The following STAM2 variants were observed in gnomAD, a reference collection of about 807,000 sequenced individuals.
The protein encoded by STAM2 is signal transducing adapter molecule 2.
A neutral mutation model predicts 65.6 loss-of-function variants in STAM2; 51 were observed. That is an observed-to-expected ratio of 0.78 (90% CI 0.62 to 0.98). The LOEUF (loss-of-function observed/expected upper bound fraction) is 0.98. STAM2 is among the 50% of genes least tolerant of loss of function. The probability of loss-of-function intolerance (pLI) is 0.00; values close to 1 mark genes in which losing one functional copy is unlikely to be tolerated. For missense variants in STAM2, 584 were observed against 617.8 expected (o/e 0.95, Z 0.58); for synonymous variants, 198 against 208.4 (o/e 0.95, Z 0.43).
Position 152,144,687 on chromosome 2 carries a change from C to T in STAM2, c.517+201G>A, listed in dbSNP as rs557736865. On this transcript the variant is annotated intron_variant, in intron 6 of 13. Coordinates refer to ENST00000263904, the MANE Select transcript of STAM2 (RefSeq NM_005843.6). ...CCGAGTAGTTGGGACTACAGGCGCC[C>T]GCCACCACGCCCAGCTAATTTTTGT... The T allele has an allele frequency of 1.1e-4, 45 of 426,470 alleles. No individual in the cohort carries two copies. In the South Asian group the frequency reaches 1.1e-3, roughly 11 times the overall value. The allele number at this position is 426,470 out of a possible 1,614,324, so 26.4% of individuals were successfully genotyped here.
At chr2:152,140,205 T>C (rs1222191946) in intron 7 of STAM2, among the ~76,000 whole-genome samples, 3 of 152,130 alleles carry the variant, frequency 2.0e-5, no homozygotes, top group South Asian at 2.1e-4. Context: ...TCAGAGGATA[T>C]AAAATCTGAC....
In STAM2 at chr2:152,129,934, G is replaced by A. The variant is rs546769226; in HGVS notation, c.1025+2180C>T. On this transcript the variant is annotated intron_variant, in intron 11 of 13. Coordinates refer to ENST00000263904, the MANE Select transcript of STAM2 (RefSeq NM_005843.6). The stretch of plus-strand genomic sequence containing the variant: ...TTAAAATGTCCCCTGGAACAAAGAC[G>A]ACAATCTCTGGTGACTAGGAAAAGT... Among the ~76,000 whole-genome samples, 91 of 152,280 alleles carry A rather than the reference G, an allele frequency of 6.0e-4. 1 individual carries two copies. In the South Asian group the frequency reaches 6.2e-3, roughly 10 times the overall value.
Position 152,175,690 on chromosome 2 carries a change from C to T in STAM2, c.-48G>A. On this transcript the variant is annotated 5_prime_UTR_variant, in exon 1 of 14. Coordinates refer to ENST00000263904, the MANE Select transcript of STAM2 (RefSeq NM_005843.6). ...TCGCTGCTGTCTAGCTGACACTCAG[C>T]AACTGCTACCCGCCGGGTGACCCGC... The T allele has an allele frequency of 6.3e-7, 1 of 1,584,152 alleles. No homozygotes were observed. The highest frequency in any genetic ancestry group is 8.6e-7 in the Non-Finnish European group (1 of 1,165,724).
rs1579317382 is a variant in STAM2 at position 152,136,965 on chromosome 2, G to A, written c.705-1362C>T. On this transcript the variant is annotated intron_variant, in intron 7 of 13. Transcript: ENST00000263904. ...GCTGGAGTGCAGTGGCACGATCTTG[G>A]CTCACTGCAACCTCTCCCTCCCAGA... Among the ~76,000 whole-genome samples the A allele has an allele frequency of 2.7e-5, 4 of 150,110 alleles. No homozygotes were observed. The South Asian group carries it at 8.5e-4, about 32-fold the overall frequency.
At chr2:152,140,416 A>G (rs1401134135) in intron 7 of STAM2, among the ~76,000 whole-genome samples, 1 of 152,246 alleles carries the variant, frequency 6.6e-6, no homozygotes, top group Non-Finnish European at 1.5e-5. Flanking sequence ...TAAAAACTTG[A>G]GCCTTTCCTT....
chr2:152,161,715 C>T (rs1438912669), intron 1 of STAM2, among the ~76,000 whole-genome samples: 8 of 152,110 alleles, frequency 5.3e-5, no homozygotes, highest in Non-Finnish European at 1.2e-4. Flanking sequence ...CTTAATTTTC[C>T]ACCCCATTTA....
intron 1 of STAM2, among the ~76,000 whole-genome samples, chr2:152,155,028 A>G (rs548831052): frequency 1.3e-5 from 2 of 152,342 alleles, no homozygotes; most frequent in East Asian, 3.9e-4. Flanking sequence ...TCCTTTCTAA[A>G]GATGTTTCAT....
At chr2:152,129,854 C>T (rs904389195) in intron 11 of STAM2, among the ~76,000 whole-genome samples, 1 of 152,180 alleles carries the variant, frequency 6.6e-6, no homozygotes, top group South Asian at 2.1e-4. Flanking sequence ...GGCAAAACTA[C>T]TGTTAATTGC....
In STAM2 at chr2:152,175,755, C is replaced by T; in HGVS notation, c.-113G>A. ...AGACCGCTCCGCTTCGGCCTCCGTCCCTGCACTTCCGCCACCGCACCTGCC... is the reference window on the plus strand; with the variant it reads ...AGACCGCTCCGCTTCGGCCTCCGTCTCTGCACTTCCGCCACCGCACCTGCC... On this transcript the variant is annotated 5_prime_UTR_variant, in exon 1 of 14. Transcript: ENST00000263904. The T allele has an allele frequency of 3.4e-6, 4 of 1,159,818 alleles. No individual in the cohort carries two copies. Among genetic ancestry groups the T allele is most frequent in the South Asian group, 1.3e-5 (1 of 75,256 alleles). The allele number at this position is 1,159,818 out of a possible 1,614,324, so 71.8% of individuals were successfully genotyped here.
At chr2:152,123,196 C>T (rs947717273) in intron 13 of STAM2, among the ~76,000 whole-genome samples, 1 of 151,988 alleles carries the variant, frequency 6.6e-6, no homozygotes, top group Non-Finnish European at 1.5e-5. Context: ...ATGCTGAAAC[C>T]CCGTCTCTAC....
At position 152,151,144 on chromosome 2, in the gene STAM2, A is replaced by C. The variant is rs150161569; in HGVS notation, c.41-915T>G. 3.0e-4 allele frequency among the ~76,000 whole-genome samples: 46 copies of C among 152,212 alleles called. No individual in the cohort carries two copies. The East Asian group carries it at 4.8e-3, about 16-fold the overall frequency. On this transcript the variant is annotated intron_variant, in intron 1 of 13. Coordinates refer to ENST00000263904, the MANE Select transcript of STAM2 (RefSeq NM_005843.6). ...CTTATAACGCTGAGTCAAAAAAGCT[A>C]ACAGCAGAAGAATTTATAATATTTA...
At chr2:152,147,856 G>A (rs544108870) in intron 4 of STAM2, among the ~76,000 whole-genome samples, 168 bp downstream of exon 4, 169 of 152,244 alleles carry the variant, frequency 1.1e-3, no homozygotes, top group Middle Eastern at 3.4e-3. Flanking sequence ...GGGGAGAATA[G>A]TTTTTGGTGC....
At chr2:152,153,979 G>A (rs1689496054) in intron 1 of STAM2, among the ~76,000 whole-genome samples, 1 of 151,608 alleles carries the variant, frequency 6.6e-6, no homozygotes. Context: ...TATAAAGGCA[G>A]CACCCAAAAA....
At chr2:152,134,197 T>A (rs917267763) in intron 8 of STAM2, among the ~76,000 whole-genome samples, 1 of 152,146 alleles carries the variant, frequency 6.6e-6, no homozygotes, top group Non-Finnish European at 1.5e-5. Flanking sequence ...CAATTTTAAA[T>A]CCCAACTGTT....
intron 1 of STAM2, among the ~76,000 whole-genome samples, chr2:152,171,496 G>A (rs187402632): frequency 5.0e-4 from 76 of 152,272 alleles, no homozygotes; most frequent in Non-Finnish European, 9.4e-4. Flanking sequence ...TTGTGTGTAT[G>A]TTATGAATTT....
In STAM2 at chr2:152,126,278, T is replaced by G; in HGVS notation, c.1127A>C (p.Lys376Thr). 6.2e-7 allele frequency: 1 copy of G among 1,611,798 alleles called. No individual in the cohort carries two copies. Among genetic ancestry groups the G allele is most frequent in the Non-Finnish European group, 8.5e-7 (1 of 1,178,880 alleles). ...TGGGTAATGTGCTGGAGGGTGGAGC[T>G]TTGAATAGACTGAGTACACTGGTGC... The part of the protein sequence containing the change: ...NEAPVYSVYS[K>T]LHPPAHYPPA... Residue 376 changes from lysine (K) to threonine (T), a missense_variant, in exon 12 of 14, where the codon AAG (lysine) becomes ACG (threonine). By Grantham distance (78) the Lys-to-Thr change is moderately conservative. Transcript: ENST00000263904.
rs1415884392 is a variant in STAM2, at chr2:152,150,133, T to C, written c.125+12A>G. The C allele has an allele frequency of 6.3e-7, 1 of 1,575,778 alleles. No individual in the cohort carries two copies. Among genetic ancestry groups the C allele is most frequent in the Non-Finnish European group, 8.7e-7 (1 of 1,145,992 alleles). The stretch of plus-strand genomic sequence containing the variant: ...TTCCTAGACATTCACTGAGCATGAC[T>C]GGACATCTTACCCATTAGGAGTACT... On this transcript the variant is annotated intron_variant, in intron 2 of 13. Transcript: ENST00000263904.
chr2:152,164,988 C>A (rs1413856334), intron 1 of STAM2, among the ~76,000 whole-genome samples: 1 of 152,088 alleles, frequency 6.6e-6, no homozygotes, highest in Non-Finnish European at 1.5e-5. Flanking sequence ...AACCACGTCC[C>A]CCTAACTCCA....
intron 1 of STAM2, among the ~76,000 whole-genome samples, chr2:152,168,094 G>T (rs1689823479): frequency 6.6e-6 from 1 of 151,976 alleles, no homozygotes; most frequent in Non-Finnish European, 1.5e-5. Context: ...GGTAATAGGT[G>T]GTTAGAACCA....
Sources: gnomAD v4.1 joint callset for allele counts (sites outside exome capture counted in the v4.1 genomes callset) on GRCh38, gnomAD v4.1.1 for gene constraint, MANE v1.5 for transcripts, NCBI Gene and HGNC (gene_info 2026-07-23, HGNC 2026-07-21) for gene names.